The following METTL15 variants were observed in gnomAD, a reference collection of about 807,000 sequenced individuals.
The protein encoded by METTL15 is methyltransferase 15, mitochondrial 12S rRNA N4-cytidine.
METTL15 carries 34 observed loss-of-function variants against 38.3 expected under a neutral mutation model. That is an observed-to-expected ratio of 0.89 (90% CI 0.68 to 1.18). The LOEUF is 1.18. METTL15 is among the 50% of genes most tolerant of loss of function. METTL15 has a pLI of 0.00. For missense variants in METTL15, 438 were observed against 498.4 expected (o/e 0.88, Z 1.15); for synonymous variants, 162 against 170.9 (o/e 0.95, Z 0.41).
intron 5 of METTL15, among the ~76,000 whole-genome samples, chr11:28,374,469 C>T (rs1850282954): frequency 6.9e-6 from 1 of 145,820 alleles, no homozygotes; most frequent in Admixed American, 7.2e-5. Context: ...CTCTGTTTGT[C>T]TGTTGTTGGT....
intron 5 of METTL15, among the ~76,000 whole-genome samples, chr11:28,365,822 C>T (rs1464156934): frequency 2.0e-5 from 3 of 152,128 alleles, no homozygotes; most frequent in Admixed American, 6.5e-5. Flanking sequence ...GAGGCTGAGG[C>T]GGGCAGATCA....
intron 6 of METTL15, among the ~76,000 whole-genome samples, chr11:28,482,808 A>C (rs1395097091): frequency 6.6e-6 from 1 of 152,162 alleles, no homozygotes; most frequent in African/African-American, 2.4e-5. Context: ...TGCTGTAGGA[A>C]GTTCTCCAGG....
At chr11:28,265,676 T>C (rs1414159450) in intron 4 of METTL15, among the ~76,000 whole-genome samples, 3 of 152,184 alleles carry the variant, frequency 2.0e-5, no homozygotes, top group Non-Finnish European at 4.4e-5. Context: ...ATTCACACTC[T>C]TAGTGAAGTC....
chr11:28,185,537 G>A (rs928205978), intron 3 of METTL15, among the ~76,000 whole-genome samples: 1 of 151,378 alleles, frequency 6.6e-6, no homozygotes, highest in Non-Finnish European at 1.5e-5. Flanking sequence ...AGTAGCTGTT[G>A]CCATCAATTT....
downstream of METTL15, among the ~76,000 whole-genome samples, chr11:28,527,318 C>A (rs1328356844): frequency 6.6e-6 from 1 of 152,184 alleles, no homozygotes; most frequent in East Asian, 1.9e-4. Context: ...AGTTGAATCC[C>A]ACCCTCCCCT....
At chr11:28,369,642 G>A (rs1850223352) in intron 5 of METTL15, among the ~76,000 whole-genome samples, 1 of 152,248 alleles carries the variant, frequency 6.6e-6, no homozygotes, top group African/African-American at 2.4e-5. Flanking sequence ...TAATCAAGGT[G>A]CTGAAAGAAA....
At chr11:28,325,914 G>A (rs1849620146) in intron 6 of METTL15, among the ~76,000 whole-genome samples, 1 of 152,204 alleles carries the variant, frequency 6.6e-6, no homozygotes, top group African/African-American at 2.4e-5. Flanking sequence ...TGCTATACTA[G>A]GGGTAAGCAC....
intron 5 of METTL15, among the ~76,000 whole-genome samples, chr11:28,402,629 C>T (rs1271711779): frequency 1.3e-5 from 2 of 151,842 alleles, no homozygotes; most frequent in Non-Finnish European, 2.9e-5. Context: ...AAATACTTAA[C>T]TTTTTTTAAT....
chr11:28,384,538 G>A lies in METTL15; in HGVS notation c.*358+22502G>A, dbSNP rs146192116. ...TTGGCCAGGCTAGTCTCAAACTCCTGACCTCAGATGATGCACTTGCCTTGG... is the reference window on the plus strand; with the variant it reads ...TTGGCCAGGCTAGTCTCAAACTCCTAACCTCAGATGATGCACTTGCCTTGG... On this transcript the variant is annotated intron_variant and NMD_transcript_variant, in intron 5 of 7. Transcript: ENST00000532947. Among the ~76,000 whole-genome samples, 67 of 152,170 alleles carry A rather than the reference G, an allele frequency of 4.4e-4. 2 individuals carry two copies. In the East Asian group the frequency reaches 9.3e-3, roughly 21 times the overall value.
intron 3 of METTL15, among the ~76,000 whole-genome samples, chr11:28,190,744 T>C (rs1851671499): frequency 6.6e-6 from 1 of 151,294 alleles, no homozygotes; most frequent in African/African-American, 2.4e-5. Flanking sequence ...ATTATAATGA[T>C]AGATGAGGGA....
chr11:28,178,869 A>G (rs557756771), intron 3 of METTL15, among the ~76,000 whole-genome samples: 1 of 151,830 alleles, frequency 6.6e-6, no homozygotes, highest in Admixed American at 6.6e-5. Context: ...TCTCATTTTT[A>G]TGAACCAATT....
chr11:28,471,047 T>C (rs1355377641), intron 6 of METTL15, among the ~76,000 whole-genome samples: 1 of 152,138 alleles, frequency 6.6e-6, no homozygotes, highest in South Asian at 2.1e-4. Context: ...TAGTTCTCAC[T>C]TGGTTTTTTT....
chr11:28,184,179 A>G (rs1287445040), intron 3 of METTL15, among the ~76,000 whole-genome samples: 5 of 151,676 alleles, frequency 3.3e-5, no homozygotes, highest in Non-Finnish European at 7.4e-5. Context: ...CTAGCGGTCT[A>G]TCTGTTTTGT....
chr11:28,254,352 T>C (rs1412465460), intron 4 of METTL15, among the ~76,000 whole-genome samples: 3 of 152,190 alleles, frequency 2.0e-5, no homozygotes, highest in African/African-American at 7.2e-5. Flanking sequence ...CCCCATGAGT[T>C]ATTTGAGCTC....
chr11:28,391,070 C>T (rs1336107100), intron 5 of METTL15, among the ~76,000 whole-genome samples: 1 of 152,062 alleles, frequency 6.6e-6, no homozygotes, highest in Non-Finnish European at 1.5e-5. Context: ...GATTTTTGTA[C>T]ATTGATTTTG....
chr11:28,228,753 A>G (rs890034297), intron 4 of METTL15, among the ~76,000 whole-genome samples: 1 of 152,002 alleles, frequency 6.6e-6, no homozygotes, highest in African/African-American at 2.4e-5. Context: ...TATTCATTGA[A>G]GACAAAAACT....
intron 5 of METTL15, among the ~76,000 whole-genome samples, chr11:28,372,435 T>G (rs1361853790): frequency 2.2e-5 from 3 of 139,184 alleles, no homozygotes; most frequent in Non-Finnish European, 3.0e-5. Flanking sequence ...AGAAGTTTTC[T>G]TTTTTTGTTG....
intron 3 of METTL15, among the ~76,000 whole-genome samples, chr11:28,189,954 T>C (rs1280370839): frequency 6.6e-6 from 1 of 151,300 alleles, no homozygotes; most frequent in Non-Finnish European, 1.5e-5. Flanking sequence ...ATGCTATTGA[T>C]TTATAATTTG....
At position 28,296,929 on chromosome 11, in the gene METTL15, C is replaced by G; in HGVS notation, c.776C>G (p.Ala259Gly). ...ACCCAGCAGCTTGCCAGCATCGTTG[C>G]AGGTAGCCTCATTAATTCTCAACAG... ...TRTQQLASIV[A>G]GAFPPSAIYT... Residue 259 changes from alanine (A) to glycine (G), a missense_variant and splice_region_variant, in exon 6 of 7, where the codon GCA (alanine) becomes GGA (glycine). Physicochemically the swap from Ala to Gly is moderately conservative, Grantham distance 60. Transcript: ENST00000407364. 6.2e-7 allele frequency: 1 copy of G among 1,613,342 alleles called. No homozygotes were observed. Among genetic ancestry groups the G allele is most frequent in the Non-Finnish European group, 8.5e-7 (1 of 1,179,594 alleles).
Sources: gnomAD v4.1 joint callset for allele counts (sites outside exome capture counted in the v4.1 genomes callset) on GRCh38, gnomAD v4.1.1 for gene constraint, MANE v1.5 for transcripts, NCBI Gene and HGNC (gene_info 2026-07-23, HGNC 2026-07-21) for gene names.